The following EDARADD variants were observed in gnomAD, a reference collection of about 807,000 sequenced individuals.
The protein encoded by EDARADD is EDAR associated via death domain, also known as ectodysplasin-A receptor-associated adapter protein.
Under a neutral mutation model 25.6 loss-of-function variants are expected in EDARADD, and 20 were observed. The ratio of observed to expected loss-of-function variants is 0.78; its 90% CI spans 0.55 to 1.14. The LOEUF is 1.14. EDARADD is among the 50% of genes most tolerant of loss of function. The pLI, the probability that EDARADD is intolerant of heterozygous loss-of-function variation, is 0.00. For synonymous variants in EDARADD, 86 were observed against 94.4 expected, an observed-to-expected ratio of 0.91 and a Z score of 0.52; for missense variants, 225 against 270.1, an observed-to-expected ratio of 0.83 and a Z score of 1.17.
chr1:236,351,475 T>C (rs997750022), intron 3 of EDARADD, among the ~76,000 whole-genome samples: 5 of 151,960 alleles, frequency 3.3e-5, no homozygotes, highest in African/African-American at 1.2e-4. Context: ...ATCCCAGCAC[T>C]TTGGGAGGCC....
At chr1:236,391,001 C>A (rs868539220), upstream of EDARADD, among the ~76,000 whole-genome samples, 1 of 151,690 alleles carries the variant, frequency 6.6e-6, no homozygotes, top group Non-Finnish European at 1.5e-5. Context: ...GGCTGGAGTA[C>A]AATGGTGTGA....
chr1:236,399,885 C>T (rs184031467), intron 1 of EDARADD, among the ~76,000 whole-genome samples: 57 of 152,366 alleles, frequency 3.7e-4, no homozygotes, highest in Non-Finnish European at 6.3e-4. Flanking sequence ...GGGCCTGGGC[C>T]ACCAACTCAG....
intron 3 of EDARADD, among the ~76,000 whole-genome samples, chr1:236,414,693 G>A (rs1328005058): frequency 2.0e-5 from 3 of 152,040 alleles, no homozygotes; most frequent in Non-Finnish European, 4.4e-5. Flanking sequence ...CTGCACTTTG[G>A]GAGGCCGAGG....
At chr1:236,477,342 C>T (rs553470983) in intron 5 of EDARADD, among the ~76,000 whole-genome samples, 2 of 152,030 alleles carry the variant, frequency 1.3e-5, no homozygotes, top group East Asian at 3.9e-4. Flanking sequence ...AGTGAAACCC[C>T]GTCTCTACTA....
chr1:236,460,740 A>T (rs955499012), intron 4 of EDARADD, among the ~76,000 whole-genome samples: 1 of 152,178 alleles, frequency 6.6e-6, no homozygotes, highest in African/African-American at 2.4e-5. Context: ...TTACACAGAT[A>T]CCAGCTTTGT....
intron 4 of EDARADD, among the ~76,000 whole-genome samples, chr1:236,428,690 A>AGGGGCTCCTCACATCCCAGACG (rs1553267408): frequency 8.6e-6 from 1 of 116,382 alleles, no homozygotes; most frequent in Non-Finnish European, 1.9e-5. Flanking sequence ...CACTTCCCAG[A>AGGGGCTCCTCACATCCCAGACG]CTGGGCTGCC....
intron 4 of EDARADD, among the ~76,000 whole-genome samples, chr1:236,433,424 G>A (rs183334044): frequency 2.0e-5 from 3 of 151,646 alleles, no homozygotes; most frequent in African/African-American, 4.8e-5. Flanking sequence ...CGATTCTCCC[G>A]CCTCAGCCCC....
At chr1:236,479,391 A>G (rs1659602087) in intron 5 of EDARADD, among the ~76,000 whole-genome samples, 1 of 151,782 alleles carries the variant, frequency 6.6e-6, no homozygotes, top group Non-Finnish European at 1.5e-5. Context: ...GCTACTCAGG[A>G]GGCTGAGGTG....
At chr1:236,424,128 A>G (rs574434449) in intron 3 of EDARADD, among the ~76,000 whole-genome samples, 1 of 149,938 alleles carries the variant, frequency 6.7e-6, no homozygotes, top group East Asian at 1.9e-4. Flanking sequence ...AATAAAATAA[A>G]ATTGTAGTAA....
Position 236,483,731 on chromosome 1 carries a change from C to T in EDARADD, c.*1082C>T, listed in dbSNP as rs1186804560. 6.6e-6 allele frequency: 10 copies of T among 1,522,962 alleles called. No homozygotes were observed. Among genetic ancestry groups the T allele is most frequent in the Middle Eastern group, 3.5e-4 (2 of 5,780 alleles). The allele number at this position is 1,522,962 out of a possible 1,614,324, so 94.3% of individuals were successfully genotyped here. A position where few individuals can be genotyped will look rare whatever the true frequency, so the allele number is the denominator to read the frequency against. On this transcript the variant is annotated 3_prime_UTR_variant, in exon 6 of 6. Coordinates refer to ENST00000334232, the MANE Select transcript of EDARADD (RefSeq NM_145861.4). ...CCATGCCCATTGGAGCGGAGGTTTA[C>T]CACAGCCTGAAGAATGTCATCAAGG...
In EDARADD at chr1:236,398,258, G is replaced by C. The variant is rs1249013555; in HGVS notation, c.61+3753G>C. Among the ~76,000 whole-genome samples the C allele has an allele frequency of 6.6e-6, 1 of 152,076 alleles. No homozygotes were observed. Among genetic ancestry groups the C allele is most frequent in the Non-Finnish European group, 1.5e-5 (1 of 68,034 alleles). On this transcript the variant is annotated intron_variant, in intron 1 of 5. Coordinates refer to ENST00000334232, the MANE Select transcript of EDARADD (RefSeq NM_145861.4). This position sits in a 1 kb window ranked among gnomAD's most constrained non-coding sequence, Gnocchi z 4.1. The stretch of plus-strand genomic sequence containing the variant: ...TCCTGTCTCAGCCTCCCAAGTAACT[G>C]GTATTACAGGTGCACACTACCACAC...
Position 236,395,349 on chromosome 1 carries a change from C to A in EDARADD, c.61+844C>A. The stretch of plus-strand genomic sequence containing the variant: ...CTTGCGTCCCAGCCCCGGGTCGCGG[C>A]ACCCCGGCTCCCGCCCCGCGCCTCT... On this transcript the variant is annotated intron_variant, in intron 1 of 5. Coordinates refer to ENST00000334232, the MANE Select transcript of EDARADD (RefSeq NM_145861.4). The surrounding 1 kb of genome is among the most constrained non-coding windows in gnomAD (Gnocchi z 6.9). 7.5e-7 allele frequency: 1 copy of A among 1,329,306 alleles called. No individual in the cohort carries two copies. Among genetic ancestry groups the A allele is most frequent in the Non-Finnish European group, 9.6e-7 (1 of 1,038,392 alleles). 82.3% of individuals were successfully genotyped at this position (1,329,306 alleles called of 1,614,324 possible).
At chr1:236,372,913 CA>C (rs1423937023) in intron 3 of EDARADD, among the ~76,000 whole-genome samples, 1 of 56,898 alleles carries the variant, frequency 1.8e-5, no homozygotes, top group African/African-American at 6.5e-5. Context: ...TCTCTTCTTA[CA>C]TTTTTTTTTT....
intron 3 of EDARADD, among the ~76,000 whole-genome samples, chr1:236,353,614 G>T (rs1437074215): frequency 1.4e-5 from 2 of 145,972 alleles, no homozygotes; most frequent in Non-Finnish European, 3.0e-5. Context: ...GGAGGCGGAG[G>T]TTGCAGTGAG....
At chr1:236,366,479 TG>T in intron 3 of EDARADD, among the ~76,000 whole-genome samples, 1 of 152,308 alleles carries the variant, frequency 6.6e-6, no homozygotes, top group African/African-American at 2.4e-5. Flanking sequence ...GTTCCGTCCT[TG>T]GCCTTGTGTA....
In EDARADD at chr1:236,446,039, G is replaced by A. The variant is rs557024757; in HGVS notation, c.219+18589G>A. ...GTGATTCATTATTGATGTCTGCAGCGCATGGCACTTATACTTTGAAAGACA... is the reference window on the plus strand; with the variant it reads ...GTGATTCATTATTGATGTCTGCAGCACATGGCACTTATACTTTGAAAGACA... On this transcript the variant is annotated intron_variant, in intron 4 of 5. Coordinates refer to ENST00000334232, the MANE Select transcript of EDARADD (RefSeq NM_145861.4). 1.4e-4 allele frequency among the ~76,000 whole-genome samples: 22 copies of A among 152,288 alleles called. No individual in the cohort carries two copies. The East Asian group carries it at 2.7e-3, about 19-fold the overall frequency.
chr1:236,466,074 A>G (rs1281879698), intron 4 of EDARADD, among the ~76,000 whole-genome samples: 1 of 152,210 alleles, frequency 6.6e-6, no homozygotes, highest in African/African-American at 2.4e-5. Flanking sequence ...AGGAACCTCA[A>G]ATACCACAAA....
chr1:236,349,773 C>T (rs1399042194), intron 2 of EDARADD, among the ~76,000 whole-genome samples: 2 of 151,322 alleles, frequency 1.3e-5, no homozygotes, highest in Non-Finnish European at 2.9e-5. Flanking sequence ...AGTTGATTAT[C>T]TCCTGGATCT....
At position 236,483,011 on chromosome 1, in the gene EDARADD, C is replaced by T. The variant is rs1659723359; in HGVS notation, c.*362C>T. ...TAGGTCCTGAGACTGTTGATAGCCC[C>T]AGACATACCCACAGCATTATATGTA... On this transcript the variant is annotated 3_prime_UTR_variant, in exon 6 of 6. Transcript: ENST00000334232. 1 of 621,576 alleles carries T rather than the reference C, an allele frequency of 1.6e-6. No homozygotes were observed. Among genetic ancestry groups the T allele is most frequent in the South Asian group, 1.9e-5 (1 of 51,438 alleles). The allele number at this position is 621,576 out of a possible 1,614,324, so 38.5% of individuals were successfully genotyped here. A position where few individuals can be genotyped will look rare whatever the true frequency, so the allele number is the denominator to read the frequency against.
Sources: gnomAD v4.1 joint callset for allele counts (sites outside exome capture counted in the v4.1 genomes callset) on GRCh38, gnomAD v4.1.1 for gene constraint, Gnocchi (gnomAD v3.1) non-coding constraint, MANE v1.5 for transcripts, NCBI Gene and HGNC (gene_info 2026-07-23, HGNC 2026-07-21) for gene names.